PIGL: variants seen among roughly 807,000 people sequenced by gnomAD.
PIGL encodes N-acetylglucosaminyl-phosphatidylinositol de-N-acetylase.
In PIGL, 22 loss-of-function variants were observed where a neutral mutation model predicts 31.1. The observed-to-expected ratio is 0.71, with a 90% CI of 0.51 to 1.01. PIGL has a LOEUF of 1.01. Ranked by LOEUF, PIGL falls within the 50% of genes least tolerant of loss-of-function variation. The probability of loss-of-function intolerance (pLI) is 0.00; values close to 1 mark genes in which losing one functional copy is unlikely to be tolerated. For synonymous variants in PIGL, 131 were observed against 117.4 expected, an observed-to-expected ratio of 1.12 and a Z score of -0.75; for missense variants, 302 against 315.9, an observed-to-expected ratio of 0.96 and a Z score of 0.33.
chr17:16,270,952 G>A (rs906160923), intron 2 of PIGL, among the ~76,000 whole-genome samples: 1 of 151,688 alleles, frequency 6.6e-6, no homozygotes, highest in Non-Finnish European at 1.5e-5. Context: ...CATTTCCAGT[G>A]TAAAGGTTAT....
At chr17:16,228,534 T>G (rs921926985) in intron 1 of PIGL, among the ~76,000 whole-genome samples, 9 of 151,582 alleles carry the variant, frequency 5.9e-5, no homozygotes, top group African/African-American at 1.2e-4. Context: ...GACTACAGGC[T>G]CCCGCCACCA....
At chr17:16,320,482 C>CAAGG (rs71150291) in intron 6 of PIGL, among the ~76,000 whole-genome samples, 128,587 of 130,680 alleles carry the variant, frequency 0.98, 63,275 homozygotes, top group Non-Finnish European at 0.99. Context: ...AGGGAGGAAA[C>CAAGG]GAGGGAGGGA....
At chr17:16,291,796 C>T (rs1243918606) in intron 2 of PIGL, among the ~76,000 whole-genome samples, 5 of 146,548 alleles carry the variant, frequency 3.4e-5, no homozygotes, top group African/African-American at 5.0e-5. Flanking sequence ...ATCTGGGAGG[C>T]GGAGGTTGCA....
At chr17:16,308,225 C>A (rs1035994397) in intron 3 of PIGL, among the ~76,000 whole-genome samples, 4 of 151,762 alleles carry the variant, frequency 2.6e-5, no homozygotes, top group African/African-American at 9.7e-5. Context: ...CCCAGCTACT[C>A]AGGAGGCTGA....
chr17:16,291,250 G>C (rs977369414), intron 2 of PIGL, among the ~76,000 whole-genome samples: 1 of 152,196 alleles, frequency 6.6e-6, no homozygotes, highest in Non-Finnish European at 1.5e-5. Flanking sequence ...GCTCGCGCCT[G>C]TAATCCCAGC....
intron 2 of PIGL, among the ~76,000 whole-genome samples, chr17:16,244,698 A>G (rs117358861): frequency 0.048 from 7,231 of 152,190 alleles, 200 homozygotes; most frequent in African/African-American, 0.086. Context: ...CTTTTGAGAC[A>G]GGGTCTCACT....
intron 2 of PIGL, among the ~76,000 whole-genome samples, chr17:16,285,990 G>T (rs1389379653): frequency 1.3e-5 from 2 of 152,350 alleles, no homozygotes; most frequent in African/African-American, 4.8e-5. Flanking sequence ...GGCCCTTGGG[G>T]GGCGATATTG....
At chr17:16,288,484 C>G (rs140919704) in intron 2 of PIGL, among the ~76,000 whole-genome samples, 1 of 152,136 alleles carries the variant, frequency 6.6e-6, no homozygotes, top group South Asian at 2.1e-4. Context: ...GGATTACAGG[C>G]GTGAGCCACT....
intron 6 of PIGL, among the ~76,000 whole-genome samples, chr17:16,319,223 C>CAAAAAA (rs11379081): frequency 1.4e-4 from 12 of 82,894 alleles, no homozygotes; most frequent in Admixed American, 5.3e-4. Flanking sequence ...AGACCCTAGC[C>CAAAAAA]AAAAAAAAAA....
intron 2 of PIGL, among the ~76,000 whole-genome samples, chr17:16,244,590 C>A (rs2092736439): frequency 6.6e-6 from 1 of 152,186 alleles, no homozygotes; most frequent in South Asian, 2.1e-4. Context: ...AAGCAATGTG[C>A]ATTCAGTACA....
At chr17:16,306,542 T>TC (rs1491353417) in intron 3 of PIGL, among the ~76,000 whole-genome samples, 16 of 149,656 alleles carry the variant, frequency 1.1e-4, no homozygotes, top group African/African-American at 2.7e-4. Context: ...TTTTTTTTTT[T>TC]CTTGAGATAG....
intron 5 of PIGL, chr17:16,317,551 C>T (rs769046136): frequency 4.6e-6 from 6 of 1,312,820 alleles, no homozygotes; most frequent in Non-Finnish European, 4.9e-6. Flanking sequence ...TAGGGCACAC[C>T]GCAGGGTAGA....
intron 4 of PIGL, among the ~76,000 whole-genome samples, chr17:16,316,255 T>G (rs947418567): frequency 3.3e-5 from 5 of 152,204 alleles, no homozygotes; most frequent in African/African-American, 1.2e-4. Flanking sequence ...TGACCTGCAC[T>G]GTCAGAAGGT....
At chr17:16,257,361 G>C (rs1384658740) in intron 2 of PIGL, among the ~76,000 whole-genome samples, 6 of 152,064 alleles carry the variant, frequency 3.9e-5, no homozygotes, top group Admixed American at 3.9e-4. Flanking sequence ...AGGTTGCAGT[G>C]AGTTGAGATC....
chr17:16,292,984 T>C lies in PIGL; in HGVS notation c.336-6904T>C, dbSNP rs2092967226. On this transcript the variant is annotated intron_variant, in intron 2 of 6. Coordinates refer to ENST00000225609, the MANE Select transcript of PIGL (RefSeq NM_004278.4). ...ACTTACATGTTTATCTAGGGTAGAA[T>C]TGTTACTATATTAGAGAAGACAGAA... Among the ~76,000 whole-genome samples, 3 of 152,218 alleles carry C rather than the reference T, an allele frequency of 2.0e-5. 1 individual carries two copies. The highest frequency in any genetic ancestry group is 4.1e-4 in the South Asian group (2 of 4,836).
chr17:16,261,241 T>C (rs927118030), intron 2 of PIGL, among the ~76,000 whole-genome samples: 5 of 152,172 alleles, frequency 3.3e-5, no homozygotes, highest in Admixed American at 2.0e-4. Context: ...CCCAGGCTGT[T>C]GCGTTGCCTG....
chr17:16,307,632 A>G (rs890130782), intron 3 of PIGL, among the ~76,000 whole-genome samples: 1 of 152,162 alleles, frequency 6.6e-6, no homozygotes, highest in African/African-American at 2.4e-5. Context: ...AGTGCTCAGT[A>G]ATGTCATTAG....
In PIGL at chr17:16,254,246, A is replaced by G. The variant is rs146988958; in HGVS notation, c.335+20176A>G. Among the ~76,000 whole-genome samples, 624 of 152,182 alleles carry G rather than the reference A, an allele frequency of 4.1e-3. 6 individuals are homozygous for G. Among genetic ancestry groups the G allele is most frequent in the African/African-American group, 0.014 (601 of 41,534 alleles). On this transcript the variant is annotated intron_variant, in intron 2 of 6. Coordinates refer to ENST00000225609, the MANE Select transcript of PIGL (RefSeq NM_004278.4). ...TCCCATTGTTCCACTGTATTCTAGC[A>G]TATACACCAATTTTTTTTTCTTTTT...
At chr17:16,264,308 T>C (rs2092832203) in intron 2 of PIGL, among the ~76,000 whole-genome samples, 1 of 151,396 alleles carries the variant, frequency 6.6e-6, no homozygotes, top group Non-Finnish European at 1.5e-5. Flanking sequence ...GGGTATGGCC[T>C]TAATCTTTTG....
Sources: gnomAD v4.1 joint callset for allele counts (sites outside exome capture counted in the v4.1 genomes callset) on GRCh38, gnomAD v4.1.1 for gene constraint, MANE v1.5 for transcripts, NCBI Gene and HGNC (gene_info 2026-07-23, HGNC 2026-07-21) for gene names.